The following TMPRSS2 variants were observed in gnomAD, a reference collection of about 807,000 sequenced individuals.
TMPRSS2 encodes transmembrane protease serine 2.
In TMPRSS2, 59 loss-of-function variants were observed where a neutral mutation model predicts 67.4. The observed-to-expected ratio is 0.88, with a 90% CI of 0.71 to 1.09. The LOEUF is 1.09. Ranked by LOEUF, TMPRSS2 falls within the 50% of genes least tolerant of loss-of-function variation. TMPRSS2 has a pLI of 0.00. For synonymous variants in TMPRSS2, 257 were observed against 257.0 expected, an observed-to-expected ratio of 1.00 and a Z score of 0.00; for missense variants, 668 against 642.7, an observed-to-expected ratio of 1.04 and a Z score of -0.43.
intron 9 of TMPRSS2, among the ~76,000 whole-genome samples, chr21:41,472,835 A>G (rs2091146245): frequency 6.6e-6 from 1 of 152,166 alleles, no homozygotes; most frequent in South Asian, 2.1e-4. Context: ...AGGGGGTGGT[A>G]GCGTCCATAA....
chr21:41,495,217 T>C (rs1021226862), intron 2 of TMPRSS2, among the ~76,000 whole-genome samples: 2 of 152,200 alleles, frequency 1.3e-5, no homozygotes, highest in African/African-American at 4.8e-5. Context: ...GGTTTTACTA[T>C]TCATTCTTTT....
chr21:41,505,091 C>T (rs1417766287), intron 1 of TMPRSS2, among the ~76,000 whole-genome samples: 1 of 152,108 alleles, frequency 6.6e-6, no homozygotes, highest in Non-Finnish European at 1.5e-5. Flanking sequence ...ACTCTCCCCA[C>T]TAGCAAGGCC....
intron 1 of TMPRSS2, among the ~76,000 whole-genome samples, chr21:41,498,526 G>A (rs1485159793): frequency 6.6e-6 from 1 of 152,204 alleles, no homozygotes; most frequent in Non-Finnish European, 1.5e-5. Context: ...CATCCATCGG[G>A]AAGGGCTCTC....
At chr21:41,499,554 A>T (rs190673599) in intron 1 of TMPRSS2, among the ~76,000 whole-genome samples, 61 of 152,258 alleles carry the variant, frequency 4.0e-4, no homozygotes, top group African/African-American at 1.0e-3. Flanking sequence ...GCCTGTCTTC[A>T]GCAAGAATCC....
At position 41,465,858 on chromosome 21, in the gene TMPRSS2, C is replaced by CTCAA; in HGVS notation, c.*280_*283dup. 6.3e-6 allele frequency: 3 copies of CTCAA among 477,840 alleles called. No homozygotes were observed. In the South Asian group the frequency reaches 1.2e-4, roughly 18 times the overall value. 29.6% of individuals were successfully genotyped at this position (477,840 alleles called of 1,614,324 possible). ...CCTGGAAAGGACTCAGCAGGAAGAT[C>CTCAA]TCAATGGGGCAGCCTCCACCCCTCT... On this transcript the variant is annotated 3_prime_UTR_variant, in exon 14 of 14. Coordinates refer to ENST00000332149, the MANE Select transcript of TMPRSS2 (RefSeq NM_005656.4).
chr21:41,504,722 GCC>G (rs1356000475), intron 1 of TMPRSS2, among the ~76,000 whole-genome samples: 1 of 152,128 alleles, frequency 6.6e-6, no homozygotes, highest in Non-Finnish European at 1.5e-5. Context: ...GACATCATAA[GCC>G]CCCTTCTTCA....
chr21:41,479,339 T>C, intron 6 of TMPRSS2, 57 bp from the exon 7 acceptor site: 1 of 1,321,610 alleles, frequency 7.6e-7, no homozygotes, highest in Non-Finnish European at 1.1e-6. Context: ...ACACAAATCC[T>C]ATACTATGTC....
intron 5 of TMPRSS2, chr21:41,488,143 G>A: frequency 2.8e-6 from 1 of 359,368 alleles, no homozygotes; most frequent in East Asian, 4.0e-5. Flanking sequence ...ACTTCCTGTG[G>A]CAGTTCAGAG....
In TMPRSS2 at chr21:41,466,156, G is replaced by T. The variant is rs374666536; in HGVS notation, c.1468-3C>A. 18 of 1,613,544 alleles carry T rather than the reference G, an allele frequency of 1.1e-5. 1 individual carries two copies. The African/African-American group carries it at 1.2e-4, about 11-fold the overall frequency. On this transcript the variant is annotated splice_polypyrimidine_tract_variant and splice_region_variant and intron_variant, in intron 13 of 13. Coordinates refer to ENST00000332149, the MANE Select transcript of TMPRSS2 (RefSeq NM_005656.4). ...GACCATGTGGATTAGCCGTCTGCCT[G>T]TTCAAATAGGAAAAAAAAAAGTGTG...
At chr21:41,473,213 C>T (rs546273967) in intron 9 of TMPRSS2, 112 bp downstream of exon 9, 331 of 1,251,780 alleles carry the variant, frequency 2.6e-4, no homozygotes, top group Non-Finnish European at 3.3e-4. Flanking sequence ...AATACTCTCC[C>T]CATTTAAACA....
chr21:41,494,309 C>T (rs751105910), intron 3 of TMPRSS2, 47 bp downstream of exon 3: 48 of 1,600,568 alleles, frequency 3.0e-5, no homozygotes, highest in Middle Eastern at 3.3e-4. Context: ...GAGGTAGACC[C>T]GGGACCCCGG....
intron 11 of TMPRSS2, among the ~76,000 whole-genome samples, 198 bp downstream of exon 11, chr21:41,470,450 C>T (rs1003912394): frequency 4.6e-5 from 7 of 152,226 alleles, no homozygotes; most frequent in Non-Finnish European, 7.3e-5. Flanking sequence ...ACGATAAGAA[C>T]ACAGTGTATT....
intron 5 of TMPRSS2, among the ~76,000 whole-genome samples, chr21:41,483,485 TTGGTCAGGC>T (rs1166469857): frequency 3.3e-5 from 5 of 152,068 alleles, no homozygotes; most frequent in Non-Finnish European, 7.4e-5. Flanking sequence ...TTTCTCCATG[TTGGTCAGGC>T]TGGTCTCGAA....
At chr21:41,488,655 T>C in intron 4 of TMPRSS2, 142 bp from the exon 5 acceptor site, 1 of 1,022,494 alleles carries the variant, frequency 9.8e-7, no homozygotes, top group Non-Finnish European at 1.4e-6. Context: ...GTTTTGTTTT[T>C]GAGATGAAGT....
intron 4 of TMPRSS2, 49 bp downstream of exon 4, chr21:41,489,458 A>G (rs1569022131): frequency 6.5e-7 from 1 of 1,529,656 alleles, no homozygotes; most frequent in Admixed American, 1.7e-5. Context: ...GGCTCAGAGC[A>G]CTGGGGACTG....
chr21:41,471,425 G>A (rs1016288269), intron 10 of TMPRSS2, among the ~76,000 whole-genome samples: 1 of 152,234 alleles, frequency 6.6e-6, no homozygotes, highest in Non-Finnish European at 1.5e-5. Context: ...GGTTGTCACA[G>A]CTTGGTAGCT....
intron 13 of TMPRSS2, 81 bp downstream of exon 13, chr21:41,467,653 C>A: frequency 3.9e-6 from 6 of 1,543,814 alleles, no homozygotes; most frequent in Non-Finnish European, 5.3e-6. Context: ...CAGCTTCCAG[C>A]AGCAGAACCA....
chr21:41,476,256 G>A (rs8129582), intron 8 of TMPRSS2, among the ~76,000 whole-genome samples: 88 of 152,256 alleles, frequency 5.8e-4, no homozygotes, highest in African/African-American at 2.1e-3. Flanking sequence ...GCTCACTAAC[G>A]CCACCCCCCT....
At chr21:41,482,094 T>G (rs1333492672) in intron 5 of TMPRSS2, among the ~76,000 whole-genome samples, 2 of 145,520 alleles carry the variant, frequency 1.4e-5, no homozygotes, top group South Asian at 2.2e-4. Flanking sequence ...AGATAAAAGG[T>G]TTTTTTTTTT....
Sources: gnomAD v4.1 joint callset for allele counts (sites outside exome capture counted in the v4.1 genomes callset) on GRCh38, gnomAD v4.1.1 for gene constraint, MANE v1.5 for transcripts, NCBI Gene and HGNC (gene_info 2026-07-23, HGNC 2026-07-21) for gene names.